Variants in DLEU7 observed in about 807,000 individuals in gnomAD.
DLEU7 encodes the protein deleted in lymphocytic leukemia 7.
In DLEU7, 17 loss-of-function variants were observed where a neutral mutation model predicts 16.0. That is an observed-to-expected ratio of 1.06 (90% CI 0.73 to 1.59). DLEU7 has a LOEUF of 1.59. Ranked by LOEUF, DLEU7 falls within the 40% of genes most tolerant of loss-of-function variation. DLEU7 has a pLI of 0.00. For missense variants in DLEU7, 308 were observed against 314.9 expected, an observed-to-expected ratio of 0.98 and a Z score of 0.17; for synonymous variants, 113 against 139.8, an observed-to-expected ratio of 0.81 and a Z score of 1.35.
intron 1 of DLEU7, among the ~76,000 whole-genome samples, chr13:50,715,711 C>T (rs1873421716): frequency 6.6e-6 from 1 of 152,226 alleles, no homozygotes; most frequent in Non-Finnish European, 1.5e-5. Context: ...TGGCAGCTCC[C>T]TAGTGGAGGT....
chr13:50,726,635 G>A lies in DLEU7; in HGVS notation c.460-13395C>T, dbSNP rs937704884. On this transcript the variant is annotated intron_variant, in intron 1 of 1. Transcript: ENST00000400393. The surrounding 1 kb of genome is among the most constrained non-coding windows in gnomAD (Gnocchi z 4.0). ...AGTGAAATTTGTGGATCGCATGGGA[G>A]GTCTTTTCATGTGTGTCATCGTTCT... Among the ~76,000 whole-genome samples the A allele has an allele frequency of 6.6e-6, 1 of 152,140 alleles. No individual in the cohort carries two copies. The highest frequency in any genetic ancestry group is 2.4e-5 in the African/African-American group (1 of 41,424).
intron 1 of DLEU7, among the ~76,000 whole-genome samples, chr13:50,831,081 C>T (rs1417749395): frequency 7.8e-6 from 1 of 127,632 alleles, no homozygotes; most frequent in African/African-American, 3.0e-5. Context: ...ATAGTGGACT[C>T]TGTTAGATGT....
chr13:50,801,385 C>T (rs567523718), intron 1 of DLEU7, among the ~76,000 whole-genome samples: 2 of 152,242 alleles, frequency 1.3e-5, no homozygotes, highest in South Asian at 4.1e-4. Context: ...CAGCACGGAG[C>T]TGTTGTTCAT....
At chr13:50,763,175 G>A (rs1318186426) in intron 1 of DLEU7, among the ~76,000 whole-genome samples, 2 of 152,188 alleles carry the variant, frequency 1.3e-5, no homozygotes, top group African/African-American at 4.8e-5. Context: ...GTACTGCTGT[G>A]GCACTGATGT....
At chr13:50,800,850 CCTT>C (rs576306210) in intron 1 of DLEU7, among the ~76,000 whole-genome samples, 237 of 152,218 alleles carry the variant, frequency 1.6e-3, no homozygotes, top group African/African-American at 5.5e-3. Context: ...TTTTCTGTCT[CCTT>C]ATGTTTTCCT....
chr13:50,780,873 C>G (rs542546006), intron 1 of DLEU7, among the ~76,000 whole-genome samples: 2 of 152,240 alleles, frequency 1.3e-5, no homozygotes, highest in East Asian at 3.9e-4. Context: ...TGATATCTCG[C>G]CTTCCTGTCT....
At chr13:50,741,589 G>A (rs963935489) in intron 1 of DLEU7, among the ~76,000 whole-genome samples, 4 of 152,126 alleles carry the variant, frequency 2.6e-5, no homozygotes, top group African/African-American at 9.7e-5. Flanking sequence ...TTTTATTGCT[G>A]TTTCCCAGCC....
chr13:50,843,663 C>G lies in DLEU7; in HGVS notation c.-17G>C, dbSNP rs77540621. On this transcript the variant is annotated 5_prime_UTR_variant, in exon 1 of 2. Transcript: ENST00000504404. This position sits in a 1 kb window ranked among gnomAD's most constrained non-coding sequence, Gnocchi z 5.7. ...GCTGGCCATCGCCTCCGCTGGCGGC[C>G]CGGCGCGCTCCGCGTGCAGGTGGAG... 6.7e-7 allele frequency: 1 copy of G among 1,498,294 alleles called. No individual in the cohort carries two copies. The highest frequency in any genetic ancestry group is 2.8e-5 in the East Asian group (1 of 36,066). 92.8% of individuals were successfully genotyped at this position (1,498,294 alleles called of 1,614,324 possible).
At chr13:50,792,569 T>C (rs1237179635) in intron 1 of DLEU7, among the ~76,000 whole-genome samples, 1 of 152,162 alleles carries the variant, frequency 6.6e-6, no homozygotes, top group Non-Finnish European at 1.5e-5. Flanking sequence ...AGTTTTTCCT[T>C]CTACTATCTC....
At chr13:50,741,154 T>C (rs1487382815) in intron 1 of DLEU7, among the ~76,000 whole-genome samples, 1 of 152,200 alleles carries the variant, frequency 6.6e-6, no homozygotes, top group Non-Finnish European at 1.5e-5. Flanking sequence ...AAGGGATGCA[T>C]TTCTACTTGT....
At position 50,843,241 on chromosome 13, in the gene DLEU7, G is replaced by A. The variant is rs202023407; in HGVS notation, c.406C>T (p.Gln136Ter). 6.9e-5 allele frequency: 110 copies of A among 1,594,068 alleles called. 1 individual carries two copies. Among genetic ancestry groups the A allele is most frequent in the Non-Finnish European group, 9.2e-5 (108 of 1,171,002 alleles). Residue 136 changes from glutamine to a stop codon, truncating the protein, a stop_gained, in exon 1 of 2, where the codon CAG becomes TAG. Coordinates refer to ENST00000504404, the MANE Select transcript of DLEU7 (RefSeq NM_001306135.2). LOFTEE classifies it high-confidence loss of function. This position sits in a 1 kb window ranked among gnomAD's most constrained non-coding sequence, Gnocchi z 5.7. ...TGCTGGAGGGGCCCCAGCAGCGTCT[G>A]CTCCACGCTGACCAGCTCCGAAGTC... is the stretch of plus-strand genomic sequence containing the variant. ...DSTSELVSVEQTLLGPLQQER... is the reference protein window; with the variant it reads ...DSTSELVSVE
intron 1 of DLEU7, among the ~76,000 whole-genome samples, chr13:50,784,948 T>C (rs1270633983): frequency 1.3e-5 from 2 of 152,236 alleles, no homozygotes; most frequent in Non-Finnish European, 2.9e-5. Flanking sequence ...GGGGACTTCT[T>C]GTTCTTCTCT....
At chr13:50,799,926 A>G (rs1414366268) in intron 1 of DLEU7, among the ~76,000 whole-genome samples, 1 of 152,212 alleles carries the variant, frequency 6.6e-6, no homozygotes, top group African/African-American at 2.4e-5. Flanking sequence ...TAACTACTGG[A>G]TGTCCACATA....
intron 1 of DLEU7, among the ~76,000 whole-genome samples, chr13:50,816,888 C>A (rs1876751745): frequency 6.6e-6 from 1 of 151,974 alleles, no homozygotes; most frequent in Admixed American, 6.6e-5. Flanking sequence ...ATCTGCACTA[C>A]CCCCGCCACA....
At chr13:50,796,438 C>T (rs768857555) in intron 1 of DLEU7, among the ~76,000 whole-genome samples, 24 of 152,208 alleles carry the variant, frequency 1.6e-4, no homozygotes, top group Non-Finnish European at 1.3e-4. Flanking sequence ...GGAGGATGAA[C>T]GTCTTGGGGT....
At chr13:50,827,868 C>T (rs1877142688) in intron 1 of DLEU7, among the ~76,000 whole-genome samples, 1 of 152,014 alleles carries the variant, frequency 6.6e-6, no homozygotes, top group Non-Finnish European at 1.5e-5. Context: ...ATAATGATTA[C>T]TATATTGGTT....
intron 1 of DLEU7, among the ~76,000 whole-genome samples, chr13:50,812,320 C>A (rs1315632241): frequency 6.6e-6 from 1 of 152,146 alleles, no homozygotes; most frequent in Non-Finnish European, 1.5e-5. Context: ...CTGATCCCAA[C>A]TGCTCTGAGA....
chr13:50,719,451 A>T (rs1873531832), intron 1 of DLEU7, among the ~76,000 whole-genome samples: 1 of 152,176 alleles, frequency 6.6e-6, no homozygotes, highest in Non-Finnish European at 1.5e-5. Context: ...TTAATTAAAA[A>T]ATTTAAAAAC....
chr13:50,744,673 A>T (rs900146203), intron 1 of DLEU7, among the ~76,000 whole-genome samples: 4 of 152,242 alleles, frequency 2.6e-5, no homozygotes, highest in African/African-American at 9.6e-5. Context: ...TATATATCTA[A>T]TAATGAATTA....
Sources: gnomAD v4.1 joint callset for allele counts (sites outside exome capture counted in the v4.1 genomes callset) on GRCh38, gnomAD v4.1.1 for gene constraint, Gnocchi (gnomAD v3.1) non-coding constraint, MANE v1.5 for transcripts, NCBI Gene and HGNC (gene_info 2026-07-23, HGNC 2026-07-21) for gene names.